The following SLC25A42 variants were observed in gnomAD, a reference collection of about 807,000 sequenced individuals.
SLC25A42 encodes the protein mitochondrial coenzyme A transporter SLC25A42.
A neutral mutation model predicts 34.7 loss-of-function variants in SLC25A42; 19 were observed. The ratio of observed to expected loss-of-function variants is 0.55; its 90% CI spans 0.38 to 0.80. The LOEUF (loss-of-function observed/expected upper bound fraction) is 0.80, where lower values mean the gene tolerates loss of function less well. Ranked by LOEUF, SLC25A42 falls within the 30% of genes least tolerant of loss-of-function variation. SLC25A42 has a pLI of 0.00. For missense variants in SLC25A42, 364 were observed against 441.3 expected (o/e 0.82, Z 1.57); for synonymous variants, 205 against 191.2 (o/e 1.07, Z -0.59).
chr19:19,078,719 C>T (rs2059667014), intron 1 of SLC25A42, among the ~76,000 whole-genome samples: 1 of 152,190 alleles, frequency 6.6e-6, no homozygotes, highest in African/African-American at 2.4e-5. Flanking sequence ...CTGCCTGAGT[C>T]AGCCCAGGGT....
intron 5 of SLC25A42, 35 bp from the exon 6 acceptor site, chr19:19,106,234 A>G (rs754439925): frequency 6.4e-6 from 10 of 1,571,972 alleles, no homozygotes; most frequent in Non-Finnish European, 8.7e-6. Flanking sequence ...CAACCCCCTC[A>G]CTGCCGTCTC....
chr19:19,097,515 C>T (rs1055940114), intron 2 of SLC25A42, among the ~76,000 whole-genome samples: 1 of 152,258 alleles, frequency 6.6e-6, no homozygotes, highest in East Asian at 1.9e-4. Flanking sequence ...GAACCACACG[C>T]AGAAATGCGC....
chr19:19,088,354 C>T (rs572654137), intron 1 of SLC25A42, among the ~76,000 whole-genome samples: 17 of 148,076 alleles, frequency 1.1e-4, no homozygotes, highest in East Asian at 4.0e-4. Flanking sequence ...TACAGGTGCC[C>T]GCCACCACGC....
At chr19:19,104,965 C>A (rs2059818277) in intron 4 of SLC25A42, 27 bp downstream of exon 4, 1 of 1,613,904 alleles carries the variant, frequency 6.2e-7, no homozygotes, top group African/African-American at 1.3e-5. Context: ...CCGCCCCGGC[C>A]TGGGGACAGT....
intron 2 of SLC25A42, among the ~76,000 whole-genome samples, chr19:19,101,120 C>T (rs546432590): frequency 3.5e-4 from 53 of 152,166 alleles, no homozygotes; most frequent in Middle Eastern, 3.4e-3. Context: ...TGCTGTGCGG[C>T]GTGACCTTCC....
intron 1 of SLC25A42, among the ~76,000 whole-genome samples, chr19:19,080,073 G>C (rs187947114): frequency 1.4e-4 from 21 of 152,296 alleles, no homozygotes; most frequent in African/African-American, 3.6e-4. Context: ...TGCTTGGCAG[G>C]ATGGGTGGGA....
At position 19,105,576 on chromosome 19, in the gene SLC25A42, C is replaced by T; in HGVS notation, c.229C>T (p.Leu77Phe). Residue 77 changes from leucine to phenylalanine, a missense_variant, in exon 5 of 8, where the codon CTC (leucine) becomes TTC (phenylalanine). By Grantham distance (22) the Leu-to-Phe change is conservative (BLOSUM62 0). Transcript: ENST00000318596. ...TTATCTCCAGGAGGCCTTCCGGGTC[C>T]TCTACTACACCTACCTCAACGAGGG... The part of the protein sequence containing the change: ...RFSAKEAFRV[L>F]YYTYLNEGFL... 6.2e-7 allele frequency: 1 copy of T among 1,613,094 alleles called. No homozygotes were observed. The highest frequency in any genetic ancestry group is 8.5e-7 in the Non-Finnish European group (1 of 1,179,258).
intron 1 of SLC25A42, among the ~76,000 whole-genome samples, chr19:19,065,911 C>T (rs1176770088): frequency 6.6e-6 from 1 of 152,102 alleles, no homozygotes; most frequent in African/African-American, 2.4e-5. Flanking sequence ...GGCTGGAGTG[C>T]AGTGGTGTGA....
chr19:19,086,177 G>A (rs1252260711), intron 1 of SLC25A42, among the ~76,000 whole-genome samples: 1 of 152,202 alleles, frequency 6.6e-6, no homozygotes, highest in Non-Finnish European at 1.5e-5. Context: ...GTCTCGCTCT[G>A]TCACACAGGC....
chr19:19,088,773 C>T (rs951257204), intron 1 of SLC25A42, among the ~76,000 whole-genome samples: 7 of 151,864 alleles, frequency 4.6e-5, no homozygotes, highest in African/African-American at 9.7e-5. Context: ...GCTTGGATTA[C>T]AGGCATGAGC....
rs1034052159 is a variant in SLC25A42 at position 19,104,815 on chromosome 19, G to A, written c.188-98G>A. ...CCTGGGACAAGATTGGGGGGAAAAG[G>A]AGGGTGACTCTGCTAGTGGGTGCCA... On this transcript the variant is annotated intron_variant, in intron 3 of 7. Coordinates refer to ENST00000318596, the MANE Select transcript of SLC25A42 (RefSeq NM_178526.5). The A allele has an allele frequency of 2.9e-6, 4 of 1,364,530 alleles. No individual in the cohort carries two copies. In the African/African-American group the frequency reaches 5.8e-5, roughly 20 times the overall value. 84.5% of individuals were successfully genotyped at this position (1,364,530 alleles called of 1,614,324 possible).
chr19:19,096,514 G>A (rs996122410), intron 2 of SLC25A42, among the ~76,000 whole-genome samples: 5 of 152,122 alleles, frequency 3.3e-5, no homozygotes, highest in Non-Finnish European at 7.3e-5. Context: ...CACTTGTGAT[G>A]TGAATCCAAC....
intron 1 of SLC25A42, among the ~76,000 whole-genome samples, chr19:19,085,488 TCTC>T (rs1006707104): frequency 6.6e-6 from 1 of 152,188 alleles, no homozygotes; most frequent in East Asian, 1.9e-4. Flanking sequence ...TTCAAGCTCT[TCTC>T]CTGCCTCAGC....
At position 19,110,918 on chromosome 19, in the gene SLC25A42, T is replaced by G. The variant is rs752593495; in HGVS notation, c.*42T>G. 1.1e-5 allele frequency: 17 copies of G among 1,605,068 alleles called. No homozygotes were observed. The highest frequency in any genetic ancestry group is 1.1e-5 in the South Asian group (1 of 90,600). On this transcript the variant is annotated 3_prime_UTR_variant, in exon 8 of 8. Coordinates refer to ENST00000318596, the MANE Select transcript of SLC25A42 (RefSeq NM_178526.5). ...CTCAGGACGGTGGACCGGTGACCCCTTTGTATTCTGGGCCCATGGAACGGT... is the reference window on the plus strand; with the variant it reads ...CTCAGGACGGTGGACCGGTGACCCCGTTGTATTCTGGGCCCATGGAACGGT...
At chr19:19,085,690 G>T (rs2059704543) in intron 1 of SLC25A42, among the ~76,000 whole-genome samples, 1 of 152,202 alleles carries the variant, frequency 6.6e-6, no homozygotes, top group Non-Finnish European at 1.5e-5. Context: ...CTATTGTGTT[G>T]TATGGGTGCC....
intron 2 of SLC25A42, among the ~76,000 whole-genome samples, chr19:19,100,024 A>G: frequency 6.6e-6 from 1 of 151,630 alleles, no homozygotes; most frequent in Non-Finnish European, 1.5e-5. Context: ...CACAGTGCCC[A>G]GCCCCACTCT....
intron 1 of SLC25A42, among the ~76,000 whole-genome samples, chr19:19,095,722 C>T (rs1174695213): frequency 6.6e-6 from 1 of 152,190 alleles, no homozygotes; most frequent in Non-Finnish European, 1.5e-5. Flanking sequence ...TGGCACCGAG[C>T]ACCTCGGTGC....
Position 19,110,934 on chromosome 19 carries a change from A to C in SLC25A42, c.*58A>C. On this transcript the variant is annotated 3_prime_UTR_variant, in exon 8 of 8. Transcript: ENST00000318596. ...GGTGACCCCTTTGTATTCTGGGCCC[A>C]TGGAACGGTGGGGGGGTGCGCTTGA... The C allele has an allele frequency of 1.9e-6, 3 of 1,583,502 alleles. No individual in the cohort carries two copies. Among genetic ancestry groups the C allele is most frequent in the Non-Finnish European group, 2.6e-6 (3 of 1,157,822 alleles).
intron 7 of SLC25A42, among the ~76,000 whole-genome samples, chr19:19,108,282 G>A (rs546496516): frequency 1.1e-4 from 17 of 152,334 alleles, no homozygotes; most frequent in African/African-American, 3.4e-4. Flanking sequence ...CTGGTGCCAC[G>A]GCTCGTGCCT....
Sources: gnomAD v4.1 joint callset for allele counts (sites outside exome capture counted in the v4.1 genomes callset) on GRCh38, gnomAD v4.1.1 for gene constraint, MANE v1.5 for transcripts, NCBI Gene and HGNC (gene_info 2026-07-23, HGNC 2026-07-21) for gene names.